Variants in PLAA observed in about 807,000 individuals in gnomAD.
PLAA encodes the protein phospholipase A2 activating protein.
In PLAA, 48 loss-of-function variants were observed where a neutral mutation model predicts 84.1. The ratio of observed to expected loss-of-function variants is 0.57; its 90% confidence interval spans 0.45 to 0.73. PLAA has a LOEUF of 0.73. Ranked by LOEUF, PLAA falls within the 30% of genes least tolerant of loss-of-function variation. PLAA has a pLI of 0.00. For missense variants in PLAA, 903 were observed against 954.7 expected (o/e 0.95, Z 0.71); for synonymous variants, 392 against 336.6 (o/e 1.16, Z -1.80).
At position 26,913,874 on chromosome 9, in the gene PLAA, T is replaced by C. The variant is rs377323997; in HGVS notation, c.1555+5A>G. 5.7e-6 allele frequency: 9 copies of C among 1,586,088 alleles called. No homozygotes were observed. The highest frequency in any genetic ancestry group is 4.1e-5 in the African/African-American group (3 of 74,062). On this transcript the variant is annotated splice_donor_5th_base_variant and intron_variant, in intron 11 of 13. Transcript: ENST00000397292. ...AAAAAAGAAAAAGAAATAAAAAGTA[T>C]GTACCTGTAAATGGATCAACTCCGG...
Position 26,905,450 on chromosome 9 carries a change from A to C in PLAA, c.*61T>G. 8.5e-7 allele frequency: 1 copy of C among 1,172,438 alleles called. No homozygotes were observed. Among genetic ancestry groups the C allele is most frequent in the Non-Finnish European group, 1.2e-6 (1 of 818,294 alleles). The allele number at this position is 1,172,438 out of a possible 1,614,324, so 72.6% of individuals were successfully genotyped here. ...TTTTTTTAATTATCTGTTATCAGTC[A>C]TGTCAAATGTGAGGAAAAAAACACT... On this transcript the variant is annotated 3_prime_UTR_variant, in exon 14 of 14. Transcript: ENST00000397292.
chr9:26,929,961 A>G (rs950996404), intron 2 of PLAA, among the ~76,000 whole-genome samples: 1 of 152,114 alleles, frequency 6.6e-6, no homozygotes, highest in Non-Finnish European at 1.5e-5. Context: ...TACTTGCATT[A>G]GTCACCAGAC....
At position 26,905,409 on chromosome 9, in the gene PLAA, A is replaced by T; in HGVS notation, c.*102T>A. ...CTTTACAAGATGTAAAATTTTACTT[A>T]ATCCACCGTATTCTCTTTTTTTAAT... On this transcript the variant is annotated 3_prime_UTR_variant, in exon 14 of 14. Coordinates refer to ENST00000397292, the MANE Select transcript of PLAA (RefSeq NM_001031689.3). The T allele has an allele frequency of 1.1e-6, 1 of 925,120 alleles. No homozygotes were observed. Among genetic ancestry groups the T allele is most frequent in the Non-Finnish European group, 1.6e-6 (1 of 617,794 alleles). 57.3% of individuals were successfully genotyped at this position (925,120 alleles called of 1,614,324 possible). A position where few individuals can be genotyped will look rare whatever the true frequency, so the allele number is the denominator to read the frequency against.
In PLAA at chr9:26,913,896, C is replaced by A. The variant is rs762830209; in HGVS notation, c.1538G>T (p.Gly513Val). 9 of 1,611,434 alleles carry A rather than the reference C, an allele frequency of 5.6e-6. No individual in the cohort carries two copies. Among genetic ancestry groups the A allele is most frequent in the Non-Finnish European group, 7.6e-6 (9 of 1,177,820 alleles). Reference sequence around the variant, plus strand: ...GTATGTACCTGTAAATGGATCAACTCCGGCCATGGTAGTTCCCATACTTGC... The same window carrying A: ...GTATGTACCTGTAAATGGATCAACTACGGCCATGGTAGTTCCCATACTTGC... ...GSASMGTTMA[G>V]VDPFTGNSAY... Residue 513 changes from glycine (G) to valine (V), a missense_variant, in exon 11 of 14, where the codon GGA becomes GTA. Coordinates refer to ENST00000397292, the MANE Select transcript of PLAA (RefSeq NM_001031689.3).
At chr9:26,910,717 G>A (rs1198883747) in intron 11 of PLAA, among the ~76,000 whole-genome samples, 1 of 151,876 alleles carries the variant, frequency 6.6e-6, no homozygotes, top group African/African-American at 2.4e-5. Flanking sequence ...GGGTGCAGTG[G>A]TGCAATCACA....
At chr9:26,932,102 AAAAC>A (rs943945980) in intron 2 of PLAA, among the ~76,000 whole-genome samples, 44 of 152,292 alleles carry the variant, frequency 2.9e-4, no homozygotes, top group Middle Eastern at 3.4e-3. Flanking sequence ...ACAAACAAAC[AAAAC>A]AAACAAACAA....
chr9:26,947,138 A>T lies in PLAA; in HGVS notation c.-93T>A. 7.3e-7 allele frequency: 1 copy of T among 1,368,746 alleles called. No individual in the cohort carries two copies. The highest frequency in any genetic ancestry group is 9.5e-7 in the Non-Finnish European group (1 of 1,051,404). The allele number at this position is 1,368,746 out of a possible 1,614,324, so 84.8% of individuals were successfully genotyped here. On this transcript the variant is annotated 5_prime_UTR_variant, in exon 1 of 14. Coordinates refer to ENST00000397292, the MANE Select transcript of PLAA (RefSeq NM_001031689.3). ...GAGCGCCGGGCCGCGGCGGGAGAAG[A>T]GCCTGCAGGTAAGGGGCGGCCGGAG...
intron 2 of PLAA, among the ~76,000 whole-genome samples, chr9:26,928,806 T>C (rs756345721): frequency 6.6e-6 from 1 of 152,242 alleles, no homozygotes; most frequent in Non-Finnish European, 1.5e-5. Context: ...ACAGTGACCA[T>C]AAAACCTGCA....
Position 26,928,220 on chromosome 9 carries a change from C to A in PLAA, c.445G>T (p.Gly149Cys). 6.2e-7 allele frequency: 1 copy of A among 1,614,088 alleles called. No individual in the cohort carries two copies. The highest frequency in any genetic ancestry group is 1.7e-5 in the Admixed American group (1 of 60,018). ...LNDKCMMTLQ[G>C]HTAAVWAVKI... is the part of the protein sequence containing the mutation. ...ACCGCCCACACTGCAGCTGTATGAC[C>A]CTGTGAGTAAAATGAGTATCAATTT... Residue 149 changes from glycine to cysteine, a missense_variant and splice_region_variant, in exon 4 of 14, where the codon GGT becomes TGT. Coordinates refer to ENST00000397292, the MANE Select transcript of PLAA (RefSeq NM_001031689.3).
chr9:26,934,983 A>G (rs1388382995), intron 2 of PLAA, 30 bp downstream of exon 2: 2 of 1,448,812 alleles, frequency 1.4e-6, no homozygotes, highest in Non-Finnish European at 1.9e-6. Flanking sequence ...AACTTCAAAT[A>G]GAAAAACACC....
intron 10 of PLAA, among the ~76,000 whole-genome samples, chr9:26,915,324 C>G (rs1824515533): frequency 6.6e-6 from 1 of 152,040 alleles, no homozygotes; most frequent in South Asian, 2.1e-4. Context: ...CCTCATTAAT[C>G]TAGTGAATCA....
chr9:26,941,956 C>A (rs191801393), intron 1 of PLAA, among the ~76,000 whole-genome samples: 1 of 151,994 alleles, frequency 6.6e-6, no homozygotes, highest in Non-Finnish European at 1.5e-5. Flanking sequence ...AAGTAGACTG[C>A]CTTCCAGAAA....
intron 10 of PLAA, chr9:26,916,771 G>GT (rs1824577085): frequency 1.3e-6 from 1 of 749,150 alleles, no homozygotes; most frequent in East Asian, 1.2e-4. Context: ...CTCATAGCAA[G>GT]TAAGTGGTAG....
At chr9:26,909,632 T>C (rs1027617057) in intron 12 of PLAA, among the ~76,000 whole-genome samples, 161 of 150,378 alleles carry the variant, frequency 1.1e-3, no homozygotes, top group African/African-American at 3.7e-3. Context: ...TTTTTTTTTT[T>C]CTCCTTGAGA....
chr9:26,923,434 CTG>C lies in PLAA; in HGVS notation c.870-89_870-88del, dbSNP rs887516382. 212 of 1,019,014 alleles carry C rather than the reference CTG, an allele frequency of 2.1e-4. 1 individual carries two copies. The highest frequency in any genetic ancestry group is 1.3e-3 in the Admixed American group (56 of 42,500). The allele number at this position is 1,019,014 out of a possible 1,614,324, so 63.1% of individuals were successfully genotyped here. On this transcript the variant is annotated intron_variant, in intron 6 of 13. Transcript: ENST00000397292. ...CTGAATGATCCATAGTAAAAATAAT[CTG>C]TGTTTGTGAATATGAGAAATATTAG...
chr9:26,926,871 A>G (rs1231532612), intron 4 of PLAA, among the ~76,000 whole-genome samples: 2 of 151,820 alleles, frequency 1.3e-5, no homozygotes, highest in African/African-American at 4.8e-5. Flanking sequence ...CTTCCCCAAC[A>G]AGAGTAATTT....
chr9:26,921,571 A>G (rs894048765), intron 7 of PLAA, among the ~76,000 whole-genome samples: 3 of 152,258 alleles, frequency 2.0e-5, no homozygotes, highest in Admixed American at 2.0e-4. Context: ...AAGAGAAGAC[A>G]AGTCTTTTCA....
At chr9:26,919,155 A>T in intron 9 of PLAA, 155 bp downstream of exon 9, 1 of 470,196 alleles carries the variant, frequency 2.1e-6, no homozygotes. Context: ...GAATTACTTC[A>T]TCATTTGAGG....
At chr9:26,945,422 T>C (rs1411193711) in intron 1 of PLAA, among the ~76,000 whole-genome samples, 1 of 152,228 alleles carries the variant, frequency 6.6e-6, no homozygotes, top group Non-Finnish European at 1.5e-5. Flanking sequence ...CATATTAGTA[T>C]TACTAAGTAG....
Sources: gnomAD v4.1 joint callset for allele counts (sites outside exome capture counted in the v4.1 genomes callset) on GRCh38, gnomAD v4.1.1 for gene constraint, MANE v1.5 for transcripts, NCBI Gene and HGNC (gene_info 2026-07-23, HGNC 2026-07-21) for gene names.